The following BCORL1 variants were observed in gnomAD, a reference collection of about 807,000 sequenced individuals.
BCORL1 encodes BCL-6 corepressor-like protein 1.
A neutral mutation model predicts 87.6 loss-of-function variants in BCORL1; 7 were observed. The ratio of observed to expected loss-of-function variants is 0.08; its 90% confidence interval spans 0.05 to 0.15. The LOEUF (loss-of-function observed/expected upper bound fraction) is 0.15. Ranked by LOEUF, BCORL1 falls within the 10% of genes least tolerant of loss-of-function variation. The pLI is 1.00. For missense variants in BCORL1, 1,215 were observed against 1,499.7 expected, an observed-to-expected ratio of 0.81 and a Z score of 3.13; for synonymous variants, 591 against 634.4, an observed-to-expected ratio of 0.93 and a Z score of 1.03.
chrX:130,011,002 T>TAAAA (rs1186630415), intron 2 of BCORL1, among the ~76,000 whole-genome samples: 27 of 19,099 alleles, frequency 1.4e-3, no homozygotes, highest in East Asian at 2.8e-3. Context: ...AGATTCAATC[T>TAAAA]AAAAAAAAAA....
At chrX:130,025,620 A>T (rs1200056203) in intron 7 of BCORL1, among the ~76,000 whole-genome samples, 1 of 111,284 alleles carries the variant, frequency 9.0e-6, no homozygotes, top group Non-Finnish European at 1.9e-5. Context: ...CCGGTTTCTT[A>T]TAGAAGTCTG....
At chrX:130,024,797 G>C (rs1437404013) in intron 6 of BCORL1, among the ~76,000 whole-genome samples, 193 bp from the exon 7 acceptor site, 1 of 111,639 alleles carries the variant, frequency 9.0e-6, no homozygotes, top group Non-Finnish European at 1.9e-5. Context: ...GGTCAGTAAG[G>C]GGAGAACAGT....
chrX:130,007,382 G>C (rs1176750574), intron 2 of BCORL1, among the ~76,000 whole-genome samples: 1 of 112,729 alleles, frequency 8.9e-6, no homozygotes, highest in Non-Finnish European at 1.9e-5. Flanking sequence ...ATCACTAAGA[G>C]ATGATCTAGG....
intron 10 of BCORL1, among the ~76,000 whole-genome samples, chrX:130,038,817 G>T (rs1248454315): frequency 9.0e-6 from 1 of 111,427 alleles, no homozygotes; most frequent in Non-Finnish European, 1.9e-5. Flanking sequence ...GTAGGTCAGG[G>T]ACCCATCCTC....
At chrX:130,029,651 C>T (rs7060792) in intron 8 of BCORL1, among the ~76,000 whole-genome samples, 1,122 of 100,930 alleles carry the variant, frequency 0.011, 17 homozygotes, top group East Asian at 0.044. Context: ...TTTTTTTTTT[C>T]TCTCTCTCTC....
In BCORL1 at chrX:130,015,829, G is replaced by T. The variant is rs1929381501; in HGVS notation, c.3057G>T (p.Lys1019Asn). Reference sequence around the variant, plus strand: ...TGCTACCTCACGACAGCCACCCCAAGGAACTTATATTGGACGTGGTTCCGA... The same window carrying T: ...TGCTACCTCACGACAGCCACCCCAATGAACTTATATTGGACGTGGTTCCGA... ...LPLLPHDSHP[K>N]ELILDVVPSS... The change falls in exon 4 of 14, where the codon AAG becomes AAT. Residue 1019 changes from lysine to asparagine, a missense_variant. Physicochemically the swap from Lys to Asn is moderately conservative, Grantham distance 94. Coordinates refer to ENST00000540052, the MANE Select transcript of BCORL1 (RefSeq NM_001379451.1). 5.8e-6 allele frequency: 7 copies of T among 1,210,155 alleles called. No homozygotes were observed. The highest frequency in any genetic ancestry group is 7.8e-6 in the Non-Finnish European group (7 of 895,249).
At chrX:130,029,058 T>A (rs1030442884) in intron 8 of BCORL1, among the ~76,000 whole-genome samples, 197 bp downstream of exon 8, 12 of 111,808 alleles carry the variant, frequency 1.1e-4, no homozygotes, top group Non-Finnish European at 1.9e-4. Context: ...TGGCCCATGA[T>A]GGCTTTTCCT....
In BCORL1 at chrX:130,010,946, C is replaced by G. The variant is rs937621854; in HGVS notation, c.87-1632C>G. The stretch of plus-strand genomic sequence containing the variant: ...CCAGGAGGCGGAGGTTGCAGTGAGC[C>G]GAGATCGAGATCGTGCCACTGCACT... On this transcript the variant is annotated intron_variant, in intron 2 of 13. Coordinates refer to ENST00000540052, the MANE Select transcript of BCORL1 (RefSeq NM_001379451.1). Among the ~76,000 whole-genome samples, 5 of 91,545 alleles carry G rather than the reference C, an allele frequency of 5.5e-5. 1 individual carries two copies. Among genetic ancestry groups the G allele is most frequent in the African/African-American group, 1.3e-4 (3 of 23,465 alleles). 79.5% of individuals were successfully genotyped at this position (91,545 alleles called of 115,157 possible). A position where few individuals can be genotyped will look rare whatever the true frequency, so the allele number is the denominator to read the frequency against.
chrX:130,052,748 T>C, intron 13 of BCORL1, among the ~76,000 whole-genome samples: 1 of 112,697 alleles, frequency 8.9e-6, no homozygotes, highest in Non-Finnish European at 1.9e-5. Flanking sequence ...CCATGATTTT[T>C]TCCCTCTGAT....
At chrX:129,984,856 A>G (rs777333586) in intron 1 of BCORL1, among the ~76,000 whole-genome samples, 2 of 111,383 alleles carry the variant, frequency 1.8e-5, no homozygotes, top group African/African-American at 3.3e-5. Context: ...GAAATTTTCA[A>G]TGTTGGCTGA....
At chrX:130,024,127 C>T (rs1039694662) in intron 6 of BCORL1, among the ~76,000 whole-genome samples, 2 of 111,920 alleles carry the variant, frequency 1.8e-5, no homozygotes. Context: ...GATGTACTTT[C>T]GTTGTTAGCA....
intron 6 of BCORL1, 81 bp downstream of exon 6, chrX:130,023,058 T>C (rs754667234): frequency 1.4e-5 from 12 of 848,303 alleles, no homozygotes; most frequent in Non-Finnish European, 2.1e-5. Context: ...AGTTTTACCA[T>C]GGGCCCAGGT....
chrX:130,027,902 G>C (rs1267914208), intron 7 of BCORL1, among the ~76,000 whole-genome samples: 1 of 112,032 alleles, frequency 8.9e-6, no homozygotes, highest in Non-Finnish European at 1.9e-5. Context: ...CAGACCCTGT[G>C]GGATGAAGCT....
At chrX:130,055,630 G>C (rs1020235812) in intron 13 of BCORL1, among the ~76,000 whole-genome samples, 2 of 112,872 alleles carry the variant, frequency 1.8e-5, no homozygotes, top group African/African-American at 6.4e-5. Flanking sequence ...CCATTTAGCT[G>C]AAAGCCGGGC....
intron 7 of BCORL1, among the ~76,000 whole-genome samples, chrX:130,027,936 G>A (rs897848084): frequency 2.7e-5 from 3 of 112,035 alleles, no homozygotes; most frequent in African/African-American, 9.7e-5. Context: ...TTCCCGGCAG[G>A]CCTTTTTGAA....
upstream of BCORL1, among the ~76,000 whole-genome samples, chrX:129,982,087 GAA>G (rs1440564802): frequency 3.5e-4 from 39 of 110,615 alleles, no homozygotes; most frequent in African/African-American, 1.1e-3. Context: ...AGTGGCCTGA[GAA>G]AGTCAGGTCG....
At chrX:130,028,935 G>GGGGGGGGA in intron 8 of BCORL1, 74 bp downstream of exon 8, 2 of 261,992 alleles carry the variant, frequency 7.6e-6, no homozygotes, top group Non-Finnish European at 1.5e-5. Context: ...GGGGGTGGGG[G>GGGGGGGGA]ATGGGGAGGA....
Position 130,051,342 on chromosome X carries a change from AC to A in BCORL1, c.4919-515del, listed in dbSNP as rs561617325. Among the ~76,000 whole-genome samples, 14 of 112,573 alleles carry A rather than the reference AC, an allele frequency of 1.2e-4. No individual in the cohort carries two copies. The South Asian group carries it at 5.1e-3, about 41-fold the overall frequency. On this transcript the variant is annotated intron_variant, in intron 12 of 13. Coordinates refer to ENST00000540052, the MANE Select transcript of BCORL1 (RefSeq NM_001379451.1). ...CTAGGGACTGAAGATGAAAGGAAAC[AC>A]CCACTCCTACCCTTGGGGGAAGCTG...
rs1283114874 is a variant in BCORL1 at position 130,014,347 on chromosome X, G to C, written c.1575G>C (p.Arg525Ser). The C allele has an allele frequency of 8.3e-7, 1 of 1,211,312 alleles. No individual in the cohort carries two copies. Among genetic ancestry groups the C allele is most frequent in the Non-Finnish European group, 1.1e-6 (1 of 895,380 alleles). ...DSKLVSLEVNRLPCTSPSGST... is the reference protein window; with the variant it reads ...DSKLVSLEVNSLPCTSPSGST... ...AGCTGGTATCTCTGGAGGTGAACAGGCTCCCCTGCACTTCCCCATCCGGTA... is the reference window on the plus strand; with the variant it reads ...AGCTGGTATCTCTGGAGGTGAACAGCCTCCCCTGCACTTCCCCATCCGGTA... The change falls in exon 4 of 14, where the codon AGG (arginine) becomes AGC (serine). Residue 525 changes from arginine (R) to serine (S), a missense_variant. Arg to Ser is a moderately radical substitution (Grantham distance 110). This residue lies in a region of BCORL1 where 861 missense variants were observed against 1,010.0 expected (regional missense o/e 0.85). Coordinates refer to ENST00000540052, the MANE Select transcript of BCORL1 (RefSeq NM_001379451.1).
Sources: gnomAD v4.1 joint callset for allele counts (sites outside exome capture counted in the v4.1 genomes callset) on GRCh38, gnomAD v4.1.1 for gene constraint, gnomAD v4.1.1 regional missense constraint, MANE v1.5 for transcripts, NCBI Gene and HGNC (gene_info 2026-07-23, HGNC 2026-07-21) for gene names.